Variants in SQSTM1 observed in about 807,000 individuals in gnomAD.
SQSTM1 encodes sequestosome 1, also known as sequestosome-1.
In SQSTM1, 36 loss-of-function variants were observed where a neutral mutation model predicts 45.1. The observed-to-expected ratio is 0.80, with a 90% CI of 0.61 to 1.05. The LOEUF is 1.05. SQSTM1 is among the 50% of genes least tolerant of loss of function. The pLI is 0.00. For synonymous variants in SQSTM1, 290 were observed against 244.3 expected, an observed-to-expected ratio of 1.19 and a Z score of -1.74; for missense variants, 617 against 607.1, an observed-to-expected ratio of 1.02 and a Z score of -0.17.
Position 179,806,682 on chromosome 5 carries a change from A to C in SQSTM1, c.-157+91A>C. 4.8e-6 allele frequency: 1 copy of C among 208,454 alleles called. No individual in the cohort carries two copies. Among genetic ancestry groups the C allele is most frequent in the Non-Finnish European group, 6.8e-6 (1 of 146,214 alleles). The allele number at this position is 208,454 out of a possible 1,614,324, so 12.9% of individuals were successfully genotyped here. ...GTCGGAAGGCGGCGGCGGCGGCGGC[A>C]GGGGCCCCGGCCCCGGGTCGGGGAG... is the stretch of plus-strand genomic sequence containing the variant. On this transcript the variant is annotated intron_variant, in intron 1 of 5. Coordinates refer to the SQSTM1 transcript ENST00000514093. This position sits in a 1 kb window ranked among gnomAD's most constrained non-coding sequence, Gnocchi z 4.6.
intron 1 of SQSTM1, among the ~76,000 whole-genome samples, chr5:179,811,208 G>C (rs922328625): frequency 6.6e-6 from 1 of 151,950 alleles, no homozygotes; most frequent in Non-Finnish European, 1.5e-5. Flanking sequence ...ACTCCAGCCT[G>C]GGCGACAGAG....
Position 179,826,782 on chromosome 5 carries a change from G to GT in SQSTM1, c.754+1557dup, listed in dbSNP as rs1246338827. Among the ~76,000 whole-genome samples, 3 of 151,288 alleles carry GT rather than the reference G, an allele frequency of 2.0e-5. No individual in the cohort carries two copies. In the East Asian group the frequency reaches 5.9e-4, roughly 30 times the overall value. On this transcript the variant is annotated intron_variant, in intron 5 of 7. Coordinates refer to ENST00000389805, the MANE Select transcript of SQSTM1 (RefSeq NM_003900.5). ...CGCCTAGCTATTTTTTGTATTTTTA[G>GT]TAGAGACGGGGTTTCACTGTGTTGG...
chr5:179,836,403 C>T (rs1758556131), intron 7 of SQSTM1, 33 bp from the exon 8 acceptor site: 4 of 1,613,990 alleles, frequency 2.5e-6, no homozygotes, highest in African/African-American at 2.7e-5. Flanking sequence ...GGGCTCAGCA[C>T]CACTCCTCAT....
At chr5:179,834,411 GTTTATTTATTTA>G in intron 7 of SQSTM1, among the ~76,000 whole-genome samples, 1 of 146,186 alleles carries the variant, frequency 6.8e-6, no homozygotes, top group Non-Finnish European at 1.5e-5. Context: ...TCTTATTTTT[GTTTATTTATTTA>G]TTTATTTTTA....
At chr5:179,817,237 C>A (rs1466325095), upstream of SQSTM1, among the ~76,000 whole-genome samples, 47 of 152,210 alleles carry the variant, frequency 3.1e-4, 1 homozygote, top group Non-Finnish European at 4.4e-5. Context: ...GCTGGAACTT[C>A]GGCAGGTTCT....
upstream of SQSTM1, among the ~76,000 whole-genome samples, chr5:179,816,913 C>T (rs1205441057): frequency 6.6e-6 from 1 of 152,148 alleles, no homozygotes. Flanking sequence ...GGCGAGGGGG[C>T]GGCGCCTTAG....
intron 1 of SQSTM1, among the ~76,000 whole-genome samples, chr5:179,809,789 G>T (rs371554901): frequency 2.9e-4 from 44 of 151,468 alleles, no homozygotes; most frequent in Non-Finnish European, 5.6e-4. Flanking sequence ...GATTACAGGC[G>T]TGTGCTACCA....
Position 179,837,303 on chromosome 5 carries a change from GT to G in SQSTM1, c.*712del, listed in dbSNP as rs1758621994. 2.1e-5 allele frequency: 33 copies of G among 1,601,906 alleles called. No homozygotes were observed. The South Asian group carries it at 3.2e-4, about 16-fold the overall frequency. On this transcript the variant is annotated 3_prime_UTR_variant, in exon 8 of 8. Transcript: ENST00000389805. ...ATTGACAGTAAGTTTATTGTTAATG[GT>G]TCTTACAGAGTATCTTTAAAAGTGC...
chr5:179,821,347 G>A (rs548416990), intron 1 of SQSTM1, among the ~76,000 whole-genome samples: 58 of 152,334 alleles, frequency 3.8e-4, no homozygotes, highest in Middle Eastern at 3.4e-3. Flanking sequence ...ACCAAGGCCG[G>A]GACCCGCTGC....
intron 1 of SQSTM1, chr5:179,808,407 G>A (rs1757278083): frequency 6.6e-6 from 1 of 152,248 alleles, no homozygotes; most frequent in Non-Finnish European, 1.5e-5. Context: ...CCTTCTAGAG[G>A]AAACTGTCGT....
At chr5:179,812,985 T>TCC (rs55745084) in intron 2 of SQSTM1, 12 of 129,512 alleles carry the variant, frequency 9.3e-5, no homozygotes, top group African/African-American at 3.1e-4. Flanking sequence ...CAAAACATGG[T>TCC]CCCCCCCCCC....
At position 179,830,312 on chromosome 5, in the gene SQSTM1, A is replaced by C. The variant is rs12108962; in HGVS notation, c.755-2720A>C. Reference sequence around the variant, plus strand: ...TCTAGGTTATTGTAAATACTTGGGAATACAAAGAGCAAACAAACATGAACA... The same window carrying C: ...TCTAGGTTATTGTAAATACTTGGGACTACAAAGAGCAAACAAACATGAACA... On this transcript the variant is annotated intron_variant, in intron 5 of 7. Transcript: ENST00000389805. 6.9e-3 allele frequency among the ~76,000 whole-genome samples: 1,056 copies of C among 152,316 alleles called. 18 individuals carry two copies. Among genetic ancestry groups the C allele is most frequent in the African/African-American group, 0.024 (984 of 41,558 alleles).
Position 179,837,117 on chromosome 5 carries a change from A to G in SQSTM1, c.*524A>G, listed in dbSNP as rs979111918. On this transcript the variant is annotated 3_prime_UTR_variant, in exon 8 of 8. Coordinates refer to ENST00000389805, the MANE Select transcript of SQSTM1 (RefSeq NM_003900.5). ...GGCATCCGCAATGTTGGTTTCACTG[A>G]GAGCTGCCTCCTGGTCTCTTCACCA... 48 of 1,114,282 alleles carry G rather than the reference A, an allele frequency of 4.3e-5. 1 individual carries two copies. The Middle Eastern group carries it at 5.8e-4, about 13-fold the overall frequency. 69.0% of individuals were successfully genotyped at this position (1,114,282 alleles called of 1,614,324 possible). A position where few individuals can be genotyped will look rare whatever the true frequency, so the allele number is the denominator to read the frequency against.
upstream of SQSTM1, among the ~76,000 whole-genome samples, chr5:179,817,243 G>T (rs1277406808): frequency 6.6e-6 from 1 of 152,218 alleles, no homozygotes; most frequent in Admixed American, 6.5e-5. Flanking sequence ...ACTTCGGCAG[G>T]TTCTGCCCCG....
At position 179,824,101 on chromosome 5, in the gene SQSTM1, C is replaced by T. The variant is rs1757899904; in HGVS notation, c.531+14C>T. 6.2e-7 allele frequency: 1 copy of T among 1,613,776 alleles called. No individual in the cohort carries two copies. Among genetic ancestry groups the T allele is most frequent in the Non-Finnish European group, 8.5e-7 (1 of 1,180,040 alleles). ...CACCTGTCTGAGGTGAGCAGGCCCTCTGTGCAGGCCTGGGGTGGGCTCAGG... is the reference window on the plus strand; with the variant it reads ...CACCTGTCTGAGGTGAGCAGGCCCTTTGTGCAGGCCTGGGGTGGGCTCAGG... On this transcript the variant is annotated intron_variant, in intron 3 of 7. Transcript: ENST00000389805.
intron 5 of SQSTM1, among the ~76,000 whole-genome samples, chr5:179,830,467 C>T (rs990984180): frequency 4.6e-5 from 7 of 152,078 alleles, no homozygotes; most frequent in African/African-American, 1.7e-4. Flanking sequence ...CAGTTGTCTT[C>T]ATCTCGTGGG....
At chr5:179,821,211 C>A in intron 1 of SQSTM1, 70 bp downstream of exon 1, 1 of 1,286,488 alleles carries the variant, frequency 7.8e-7, no homozygotes, top group Non-Finnish European at 9.9e-7. Context: ...GGGGTGGCTG[C>A]CCCCTCCCTT....
chr5:179,817,748 G>A (rs955420838), upstream of SQSTM1, among the ~76,000 whole-genome samples: 1 of 152,174 alleles, frequency 6.6e-6, no homozygotes, highest in Non-Finnish European at 1.5e-5. Context: ...GGTGGCTCAC[G>A]CCTGCAGTCC....
intron 1 of SQSTM1, chr5:179,821,646 G>T (rs1466860212): frequency 2.5e-6 from 1 of 405,636 alleles, no homozygotes; most frequent in African/African-American, 2.1e-5. Context: ...CGGGGGACTC[G>T]CGAGCGCCGC....
Sources: gnomAD v4.1 joint callset for allele counts (sites outside exome capture counted in the v4.1 genomes callset) on GRCh38, gnomAD v4.1.1 for gene constraint, Gnocchi (gnomAD v3.1) non-coding constraint, MANE v1.5 for transcripts, NCBI Gene and HGNC (gene_info 2026-07-23, HGNC 2026-07-21) for gene names.